The following TSPAN3 variants were observed in gnomAD, a reference collection of about 807,000 sequenced individuals.
The protein encoded by TSPAN3 is tetraspanin-3.
TSPAN3 carries 9 observed loss-of-function variants against 31.1 expected under a neutral mutation model. The ratio of observed to expected loss-of-function variants is 0.29; its 90% CI spans 0.17 to 0.50. TSPAN3 has a LOEUF of 0.50. Among genes scored for constraint, TSPAN3 ranks in the 20% least tolerant of loss-of-function variants. The pLI, the probability that TSPAN3 is intolerant of heterozygous loss-of-function variation, is 0.98. For missense variants in TSPAN3, 252 were observed against 313.5 expected (o/e 0.80, Z 1.48); for synonymous variants, 129 against 114.3 (o/e 1.13, Z -0.82).
chr15:77,045,692 C>T lies in TSPAN3; in HGVS notation c.*1143G>A, dbSNP rs1019599176. On this transcript the variant is annotated 3_prime_UTR_variant, in exon 7 of 7. Coordinates refer to ENST00000267970, the MANE Select transcript of TSPAN3 (RefSeq NM_005724.6). Reference sequence around the variant, plus strand: ...GTCACCCCTGACCTCTCCGGAACTCCCCTTTGGACTCCCATTCTATTACTA... The same window carrying T: ...GTCACCCCTGACCTCTCCGGAACTCTCCTTTGGACTCCCATTCTATTACTA... 2.6e-5 allele frequency: 4 copies of T among 152,276 alleles called. No homozygotes were observed. The highest frequency in any genetic ancestry group is 4.4e-5 in the Non-Finnish European group (3 of 68,116). The allele number at this position is 152,276 out of a possible 1,614,324, so 9.4% of individuals were successfully genotyped here.
chr15:77,043,577 C>T lies in TSPAN3; in HGVS notation c.*3258G>A, dbSNP rs901669890. 1 of 152,150 alleles carries T rather than the reference C, an allele frequency of 6.6e-6. No individual in the cohort carries two copies. Among genetic ancestry groups the T allele is most frequent in the Non-Finnish European group, 1.5e-5 (1 of 68,036 alleles). The allele number at this position is 152,150 out of a possible 1,614,324, so 9.4% of individuals were successfully genotyped here. A position where few individuals can be genotyped will look rare whatever the true frequency, so the allele number is the denominator to read the frequency against. On this transcript the variant is annotated 3_prime_UTR_variant, in exon 7 of 7. Coordinates refer to ENST00000267970, the MANE Select transcript of TSPAN3 (RefSeq NM_005724.6). ...AGACAAACACAGATAAGCAGCACCA[C>T]CTAAAACGAACTGTATCCTTACAAA...
intron 6 of TSPAN3, among the ~76,000 whole-genome samples, chr15:77,049,014 T>A (rs947822794): frequency 5.9e-5 from 9 of 152,174 alleles, no homozygotes; most frequent in African/African-American, 2.2e-4. Flanking sequence ...GTTACAAATT[T>A]TTGCTATAAA....
chr15:77,051,768 G>T (rs1366616777), intron 6 of TSPAN3, among the ~76,000 whole-genome samples: 1 of 152,044 alleles, frequency 6.6e-6, no homozygotes, highest in Non-Finnish European at 1.5e-5. Flanking sequence ...TGAAGCAGGA[G>T]GATCGCTTGA....
intron 6 of TSPAN3, among the ~76,000 whole-genome samples, chr15:77,050,321 G>C (rs1303727252): frequency 1.3e-5 from 2 of 152,154 alleles, no homozygotes; most frequent in African/African-American, 2.4e-5. Flanking sequence ...TTTTGAGTCT[G>C]TGAAAGCTCT....
At chr15:77,049,557 GGC>G (rs1455462610) in intron 6 of TSPAN3, among the ~76,000 whole-genome samples, 2 of 152,086 alleles carry the variant, frequency 1.3e-5, no homozygotes, top group Non-Finnish European at 2.9e-5. Flanking sequence ...TTAAGAGAGT[GGC>G]TACTCTCAAA....
intron 1 of TSPAN3, among the ~76,000 whole-genome samples, chr15:77,059,943 CCCT>C (rs1167074163): frequency 6.6e-6 from 1 of 152,154 alleles, no homozygotes; most frequent in East Asian, 1.9e-4. Flanking sequence ...TGCCTCTCCC[CCCT>C]AAAAGAGGCA....
intron 6 of TSPAN3, among the ~76,000 whole-genome samples, chr15:77,049,419 G>A (rs965872537): frequency 1.3e-5 from 2 of 152,144 alleles, no homozygotes; most frequent in African/African-American, 2.4e-5. Context: ...CATTTTCCCC[G>A]TATTGCCTTT....
intron 1 of TSPAN3, among the ~76,000 whole-genome samples, chr15:77,068,654 G>T (rs2076848112): frequency 6.6e-6 from 1 of 152,062 alleles, no homozygotes; most frequent in Non-Finnish European, 1.5e-5. Context: ...CTCATTTGGG[G>T]ACCCCTGAAA....
chr15:77,070,804 C>A (rs2076864188), intron 1 of TSPAN3, 88 bp downstream of exon 1: 12 of 801,146 alleles, frequency 1.5e-5, no homozygotes, highest in Non-Finnish European at 1.8e-5. Context: ...CGCGCCCGCC[C>A]AGGCCCAAGC....
Position 77,045,175 on chromosome 15 carries a change from G to A in TSPAN3, c.*1660C>T, listed in dbSNP as rs568300362. 3 of 152,180 alleles carry A rather than the reference G, an allele frequency of 2.0e-5. No homozygotes were observed. The highest frequency in any genetic ancestry group is 1.3e-4 in the Admixed American group (2 of 15,276). The allele number at this position is 152,180 out of a possible 1,614,324, so 9.4% of individuals were successfully genotyped here. A position where few individuals can be genotyped will look rare whatever the true frequency, so the allele number is the denominator to read the frequency against. ...CTAGCTCTGTGACTTTGTTTCCCCA[G>A]TTGACTGAGCCAGAAACCTGGGACT... On this transcript the variant is annotated 3_prime_UTR_variant, in exon 7 of 7. Coordinates refer to ENST00000267970, the MANE Select transcript of TSPAN3 (RefSeq NM_005724.6).
chr15:77,058,982 T>G (rs1426010464), intron 1 of TSPAN3, among the ~76,000 whole-genome samples: 1 of 152,242 alleles, frequency 6.6e-6, no homozygotes, highest in Non-Finnish European at 1.5e-5. Flanking sequence ...CAGAGTTCAC[T>G]GACATATTTG....
At chr15:77,060,666 G>T (rs749200080) in intron 1 of TSPAN3, among the ~76,000 whole-genome samples, 1 of 151,916 alleles carries the variant, frequency 6.6e-6, no homozygotes, top group Non-Finnish European at 1.5e-5. Context: ...TCTATCAAAG[G>T]ATCTGAGCTT....
At chr15:77,047,820 C>G (rs2076704618) in intron 6 of TSPAN3, among the ~76,000 whole-genome samples, 1 of 152,108 alleles carries the variant, frequency 6.6e-6, no homozygotes, top group South Asian at 2.1e-4. Context: ...GAGGAAAAGC[C>G]TCAGTTATTT....
intron 6 of TSPAN3, among the ~76,000 whole-genome samples, chr15:77,051,503 G>A (rs1298844195): frequency 6.6e-6 from 1 of 150,860 alleles, no homozygotes; most frequent in Non-Finnish European, 1.5e-5. Context: ...ACTCTAGCCT[G>A]GGCAACAAAA....
At chr15:77,061,231 A>G (rs1279664353) in intron 1 of TSPAN3, among the ~76,000 whole-genome samples, 4 of 152,218 alleles carry the variant, frequency 2.6e-5, no homozygotes, top group African/African-American at 9.7e-5. Context: ...CAAGTAGATA[A>G]AATGTTAAAA....
intron 6 of TSPAN3, among the ~76,000 whole-genome samples, chr15:77,051,905 A>G (rs1404044941): frequency 6.6e-6 from 1 of 152,142 alleles, no homozygotes; most frequent in Non-Finnish European, 1.5e-5. Flanking sequence ...GTGCTGTAGT[A>G]CCAGTTCTTG....
intron 1 of TSPAN3, among the ~76,000 whole-genome samples, chr15:77,058,986 A>G (rs1429671498): frequency 3.3e-5 from 5 of 152,346 alleles, no homozygotes; most frequent in South Asian, 2.1e-4. Flanking sequence ...GTTCACTGAC[A>G]TATTTGCTTT....
At chr15:77,068,230 C>T (rs2076845637) in intron 1 of TSPAN3, 1 of 152,164 alleles carries the variant, frequency 6.6e-6, no homozygotes, top group African/African-American at 2.4e-5. Flanking sequence ...GCTTAACTTC[C>T]TTATCACAGC....
intron 5 of TSPAN3, 26 bp from the exon 6 acceptor site, chr15:77,052,494 T>G (rs1303845035): frequency 6.2e-7 from 1 of 1,604,492 alleles, no homozygotes; most frequent in Middle Eastern, 1.7e-4. Context: ...TCATCCTCGT[T>G]AGAAGTGTTC....
Sources: gnomAD v4.1 joint callset for allele counts (sites outside exome capture counted in the v4.1 genomes callset) on GRCh38, gnomAD v4.1.1 for gene constraint, MANE v1.5 for transcripts, NCBI Gene and HGNC (gene_info 2026-07-23, HGNC 2026-07-21) for gene names.